Variants in EML6 observed in about 807,000 individuals in gnomAD.
The protein encoded by EML6 is EMAP like 6.
EML6 carries 154 observed loss-of-function variants against 240.1 expected under a neutral mutation model. The observed-to-expected ratio is 0.64, with a 90% CI of 0.56 to 0.73. The LOEUF (loss-of-function observed/expected upper bound fraction) is 0.73. Ranked by LOEUF, EML6 falls within the 30% of genes least tolerant of loss-of-function variation. EML6 has a pLI of 0.00. For missense variants in EML6, 2,964 were observed against 2,474.6 expected (o/e 1.20, Z -4.20); for synonymous variants, 1,148 against 899.0 (o/e 1.28, Z -4.95).
chr2:54,826,798 A>G (rs773160172), intron 5 of EML6, among the ~76,000 whole-genome samples: 26 of 152,194 alleles, frequency 1.7e-4, no homozygotes, highest in Non-Finnish European at 3.8e-4. Flanking sequence ...TATTTATGAA[A>G]CGTTTCTAAG....
At position 54,921,317 on chromosome 2, in the gene EML6, A is replaced by C. The variant is rs116416354; in HGVS notation, c.3675+4382A>C. On this transcript the variant is annotated intron_variant, in intron 26 of 41. Coordinates refer to ENST00000356458, the MANE Select transcript of EML6 (RefSeq NM_001039753.4). ...ACATTTTTATATACTTAGACTATCT[A>C]CAAAAACTGTATCATCAAGACAAAT... Among the ~76,000 whole-genome samples, 455 of 152,266 alleles carry C rather than the reference A, an allele frequency of 3.0e-3. 1 individual carries two copies. The highest frequency in any genetic ancestry group is 0.01 in the African/African-American group (435 of 41,562).
chr2:54,874,460 A>G (rs1051144992), intron 16 of EML6, among the ~76,000 whole-genome samples: 2 of 152,206 alleles, frequency 1.3e-5, no homozygotes, highest in Admixed American at 6.5e-5. Flanking sequence ...TATTTTAACA[A>G]TACAGTCTCC....
At chr2:54,783,862 A>G (rs934606075) in intron 2 of EML6, among the ~76,000 whole-genome samples, 1 of 152,130 alleles carries the variant, frequency 6.6e-6, no homozygotes. Context: ...ATTTTCTCTC[A>G]TGTTAATATA....
At chr2:54,939,839 G>T (rs1425283853) in intron 28 of EML6, among the ~76,000 whole-genome samples, 2 of 152,214 alleles carry the variant, frequency 1.3e-5, no homozygotes, top group African/African-American at 4.8e-5. Context: ...AGAGGGGAAA[G>T]GAACCATTTC....
chr2:54,948,988 A>G, intron 29 of EML6, 28 bp downstream of exon 29: 1 of 1,481,052 alleles, frequency 6.8e-7, no homozygotes, highest in Non-Finnish European at 9.2e-7. Context: ...TTGTAGTCTG[A>G]TATTGACGTT....
chr2:54,890,920 T>C, intron 17 of EML6, 134 bp from the exon 18 acceptor site: 3 of 458,908 alleles, frequency 6.5e-6, no homozygotes. Context: ...TAGATGCCCG[T>C]GTGGATTTTA....
chr2:54,729,645 A>G (rs1030570145), intron 2 of EML6, among the ~76,000 whole-genome samples: 2 of 152,192 alleles, frequency 1.3e-5, no homozygotes, highest in Admixed American at 1.3e-4. Flanking sequence ...CTGATTCCAA[A>G]GCTGCAAGCT....
intron 17 of EML6, chr2:54,880,446 G>T (rs1468737150): frequency 6.6e-6 from 1 of 152,162 alleles, no homozygotes. Flanking sequence ...ACTTTTTAAA[G>T]TAATATTTTC....
chr2:54,926,562 T>G (rs1452013655), intron 26 of EML6, among the ~76,000 whole-genome samples: 1 of 152,218 alleles, frequency 6.6e-6, no homozygotes, highest in Non-Finnish European at 1.5e-5. Context: ...TGAGGACGTT[T>G]CCTCCGTAGG....
chr2:54,831,131 T>A (rs1443910985), intron 7 of EML6, among the ~76,000 whole-genome samples: 1 of 152,156 alleles, frequency 6.6e-6, no homozygotes, highest in Non-Finnish European at 1.5e-5. Flanking sequence ...TCTTGGTATA[T>A]CTTTCAAGGT....
intron 7 of EML6, among the ~76,000 whole-genome samples, chr2:54,840,272 C>T (rs1002202350): frequency 6.8e-6 from 1 of 147,198 alleles, no homozygotes; most frequent in Non-Finnish European, 1.5e-5. Flanking sequence ...CCAGACCTGC[C>T]TGGAAAAGGG....
chr2:54,953,854 T>G, intron 31 of EML6, 129 bp from the exon 32 acceptor site: 1 of 743,652 alleles, frequency 1.3e-6, no homozygotes, highest in Admixed American at 3.0e-5. Flanking sequence ...GCCACTGCAC[T>G]CTGGCCTGGG....
intron 2 of EML6, among the ~76,000 whole-genome samples, chr2:54,750,356 C>T (rs1684105255): frequency 6.6e-6 from 1 of 152,194 alleles, no homozygotes; most frequent in South Asian, 2.1e-4. Context: ...GTTGCTTGCT[C>T]CTCTGGGAAG....
chr2:54,950,151 G>A (rs74467515), intron 29 of EML6, among the ~76,000 whole-genome samples: 1 of 151,976 alleles, frequency 6.6e-6, no homozygotes, highest in African/African-American at 2.4e-5. Flanking sequence ...GTTTTTGGGG[G>A]AAAAAAATGG....
chr2:54,794,499 G>T (rs1482417275), intron 2 of EML6, among the ~76,000 whole-genome samples: 3 of 152,070 alleles, frequency 2.0e-5, no homozygotes, highest in Non-Finnish European at 2.9e-5. Context: ...GACGGGGAAG[G>T]GTCAACTCAG....
intron 2 of EML6, among the ~76,000 whole-genome samples, chr2:54,736,759 C>T (rs12999048): frequency 0.049 from 7,507 of 152,214 alleles, 265 homozygotes; most frequent in Non-Finnish European, 0.078. Context: ...TTTTCTCTTA[C>T]CTCCCCTGCC....
intron 26 of EML6, among the ~76,000 whole-genome samples, chr2:54,919,322 G>C (rs1203616777): frequency 6.7e-6 from 1 of 150,170 alleles, no homozygotes; most frequent in Non-Finnish European, 1.5e-5. Flanking sequence ...GTTGGTGCAA[G>C]GCTTTTGTAT....
intron 7 of EML6, among the ~76,000 whole-genome samples, chr2:54,833,309 A>C (rs1394878876): frequency 6.6e-6 from 1 of 152,214 alleles, no homozygotes; most frequent in Non-Finnish European, 1.5e-5. Context: ...CAAGTTGTTT[A>C]ATGGAAATCT....
chr2:54,923,405 A>ACACACACACACACACACACACAC (rs1674370636), intron 26 of EML6, among the ~76,000 whole-genome samples: 2 of 145,842 alleles, frequency 1.4e-5, no homozygotes, highest in Non-Finnish European at 3.0e-5. Flanking sequence ...ACACACACAC[A>ACACACACACACACACACACACAC]ATGGTAACTA....
Sources: allele counts gnomAD v4.1 joint callset (sites outside exome capture counted in the v4.1 genomes callset), GRCh38; gene constraint gnomAD v4.1.1; transcripts MANE v1.5; gene names NCBI Gene and HGNC (gene_info 2026-07-23, HGNC 2026-07-21).